The following MAP3K4 variants were observed in gnomAD, a reference collection of about 807,000 sequenced individuals.
MAP3K4 encodes the protein MAP three kinase 1.
In MAP3K4, 67 loss-of-function variants were observed where a neutral mutation model predicts 185.6. The ratio of observed to expected loss-of-function variants is 0.36; its 90% CI spans 0.30 to 0.44. The LOEUF is 0.44. Ranked by LOEUF, MAP3K4 falls within the 20% of genes least tolerant of loss-of-function variation. The pLI is 1.00. For missense variants in MAP3K4, 1,551 were observed against 1,995.1 expected, an observed-to-expected ratio of 0.78 and a Z score of 4.24; for synonymous variants, 702 against 710.4, an observed-to-expected ratio of 0.99 and a Z score of 0.19.
intron 10 of MAP3K4, among the ~76,000 whole-genome samples, chr6:161,089,015 TAC>T (rs143422759): frequency 1.3e-5 from 2 of 151,858 alleles, no homozygotes; most frequent in African/African-American, 4.8e-5. Context: ...CATGCACACA[TAC>T]ACACACACAC....
chr6:161,090,355 C>T (rs1444799529), intron 11 of MAP3K4, among the ~76,000 whole-genome samples: 1 of 152,072 alleles, frequency 6.6e-6, no homozygotes, highest in Non-Finnish European at 1.5e-5. Context: ...GACAAAAGCT[C>T]GAGCCAGGGC....
chr6:161,013,121 A>G (rs1427595238), intron 1 of MAP3K4, among the ~76,000 whole-genome samples: 1 of 152,218 alleles, frequency 6.6e-6, no homozygotes, highest in Non-Finnish European at 1.5e-5. Flanking sequence ...GTACAAATGT[A>G]TATAGGTCAT....
In MAP3K4 at chr6:161,054,171, T is replaced by C. The variant is rs940253313; in HGVS notation, c.1707+4192T>C. Among the ~76,000 whole-genome samples the C allele has an allele frequency of 2.0e-5, 3 of 152,244 alleles. No homozygotes were observed. Among genetic ancestry groups the C allele is most frequent in the African/African-American group, 7.2e-5 (3 of 41,466 alleles). ...CATGCTTTACAAAATAATTTTTTTT[T>C]GAGACAGAGTTTCGCTCTTGTTGCC... is the stretch of plus-strand genomic sequence containing the variant. On this transcript the variant is annotated intron_variant, in intron 3 of 26. Coordinates refer to ENST00000392142, the MANE Select transcript of MAP3K4 (RefSeq NM_005922.4). This position sits in a 1 kb window ranked among gnomAD's most constrained non-coding sequence, Gnocchi z 4.2.
In MAP3K4 at chr6:161,101,395, T is replaced by C. The variant is rs2114894690; in HGVS notation, c.3675-497T>C. On this transcript the variant is annotated intron_variant, in intron 17 of 26. Coordinates refer to ENST00000392142, the MANE Select transcript of MAP3K4 (RefSeq NM_005922.4). This position sits in a 1 kb window ranked among gnomAD's most constrained non-coding sequence, Gnocchi z 5.1. ...AGTACTTTAAATGTAATTAAGTACATAAATATAATTTGATGGTAACTTTAA... is the reference window on the plus strand; with the variant it reads ...AGTACTTTAAATGTAATTAAGTACACAAATATAATTTGATGGTAACTTTAA... 1 of 152,414 alleles carries C rather than the reference T, an allele frequency of 6.6e-6. No individual in the cohort carries two copies. The highest frequency in any genetic ancestry group is 2.1e-4 in the South Asian group (1 of 4,828). The allele number at this position is 152,414 out of a possible 1,614,324, so 9.4% of individuals were successfully genotyped here.
At chr6:161,018,194 TTGG>T (rs1463841548) in intron 1 of MAP3K4, among the ~76,000 whole-genome samples, 2 of 152,020 alleles carry the variant, frequency 1.3e-5, no homozygotes, top group Non-Finnish European at 2.9e-5. Flanking sequence ...GCTGAGGCAG[TTGG>T]AAGTTGAGGT....
rs749341417 is a variant in MAP3K4, at chr6:161,034,222, G to A, written c.153-37G>A. On this transcript the variant is annotated intron_variant, in intron 1 of 26. Coordinates refer to ENST00000392142, the MANE Select transcript of MAP3K4 (RefSeq NM_005922.4). The surrounding 1 kb of genome is among the most constrained non-coding windows in gnomAD (Gnocchi z 4.4). Reference sequence around the variant, plus strand: ...AGTAAATTTGAATTCACTTAACTGTGTTGCTGAATATTTTCCCTGCACACT... The same window carrying A: ...AGTAAATTTGAATTCACTTAACTGTATTGCTGAATATTTTCCCTGCACACT... 7.3e-6 allele frequency: 11 copies of A among 1,511,392 alleles called. 1 individual carries two copies. In the South Asian group the frequency reaches 1.2e-4, roughly 17 times the overall value. The allele number at this position is 1,511,392 out of a possible 1,614,324, so 93.6% of individuals were successfully genotyped here. A position where few individuals can be genotyped will look rare whatever the true frequency, so the allele number is the denominator to read the frequency against.
chr6:161,041,453 C>T (rs1016425562), intron 2 of MAP3K4, among the ~76,000 whole-genome samples: 1 of 152,182 alleles, frequency 6.6e-6, no homozygotes, highest in Admixed American at 6.5e-5. Context: ...GAAGTGAACC[C>T]CTGAGATACG....
chr6:161,094,976 C>G (rs1583225835), intron 15 of MAP3K4, among the ~76,000 whole-genome samples: 1 of 152,060 alleles, frequency 6.6e-6, no homozygotes, highest in East Asian at 1.9e-4. Flanking sequence ...GAAAAAGTAT[C>G]TAGAAAAATA....
intron 2 of MAP3K4, among the ~76,000 whole-genome samples, chr6:161,040,922 A>C (rs117549645): frequency 2.3e-4 from 35 of 152,374 alleles, no homozygotes; most frequent in African/African-American, 7.2e-4. Context: ...GCTGCTGGCC[A>C]GTGGGTTCTG....
intron 1 of MAP3K4, among the ~76,000 whole-genome samples, chr6:161,000,117 T>C (rs1244219392): frequency 6.6e-6 from 1 of 152,212 alleles, no homozygotes; most frequent in Non-Finnish European, 1.5e-5. Flanking sequence ...TATGACAGTG[T>C]GTGTGTGCCT....
At chr6:161,072,636 A>G (rs1583196035) in intron 4 of MAP3K4, among the ~76,000 whole-genome samples, 2 of 152,356 alleles carry the variant, frequency 1.3e-5, no homozygotes, top group Non-Finnish European at 2.9e-5. Context: ...TAGATGAGTC[A>G]TACATTTTTA....
intron 3 of MAP3K4, among the ~76,000 whole-genome samples, chr6:161,057,910 A>G (rs1013345913): frequency 1.3e-5 from 2 of 152,264 alleles, no homozygotes; most frequent in African/African-American, 4.8e-5. Flanking sequence ...ATTTTGGACT[A>G]TAGTGAGCAA....
At chr6:161,047,310 C>T (rs1172741634) in intron 2 of MAP3K4, among the ~76,000 whole-genome samples, 1 of 149,340 alleles carries the variant, frequency 6.7e-6, no homozygotes, top group African/African-American at 2.5e-5. Flanking sequence ...TGTGGTGATG[C>T]GTGCCTGTGG....
intron 3 of MAP3K4, among the ~76,000 whole-genome samples, chr6:161,059,893 G>C (rs1784412380): frequency 6.6e-6 from 1 of 150,806 alleles, no homozygotes; most frequent in Non-Finnish European, 1.5e-5. Flanking sequence ...GAAGAAGCAG[G>C]GTCATTTATC....
rs1278981023 is a variant in MAP3K4 at position 161,093,035 on chromosome 6, T to C, written c.3327T>C (p.Ala1109=). ...LQAIEPAFIS[A]LPEDDFLSLQ... The stretch of plus-strand genomic sequence containing the variant: ...CAATTGAACCTGCCTTTATTTCAGC[T>C]TTACCAGAAGATGACTTCTTGGTAT... Residue 1109 remains alanine (A), a synonymous_variant, in exon 14 of 27, where the codon GCT becomes GCC. Coordinates refer to ENST00000392142, the MANE Select transcript of MAP3K4 (RefSeq NM_005922.4). This position sits in a 1 kb window ranked among gnomAD's most constrained non-coding sequence, Gnocchi z 5.2. 2 of 1,613,304 alleles carry C rather than the reference T, an allele frequency of 1.2e-6. No homozygotes were observed. The highest frequency in any genetic ancestry group is 1.7e-6 in the Non-Finnish European group (2 of 1,179,508).
In MAP3K4 at chr6:161,097,030, T is replaced by A; in HGVS notation, c.3428-50T>A. 1 of 1,473,620 alleles carries A rather than the reference T, an allele frequency of 6.8e-7. No individual in the cohort carries two copies. The highest frequency in any genetic ancestry group is 9.5e-7 in the Non-Finnish European group (1 of 1,052,624). The allele number at this position is 1,473,620 out of a possible 1,614,324, so 91.3% of individuals were successfully genotyped here. ...CATTTGACTGTTTGGTTTGATGATTTTCTGTGGACCATATTAACAAGTTGC... is the reference window on the plus strand; with the variant it reads ...CATTTGACTGTTTGGTTTGATGATTATCTGTGGACCATATTAACAAGTTGC... On this transcript the variant is annotated intron_variant, in intron 15 of 26. Coordinates refer to ENST00000392142, the MANE Select transcript of MAP3K4 (RefSeq NM_005922.4). This position sits in a 1 kb window ranked among gnomAD's most constrained non-coding sequence, Gnocchi z 4.9.
chr6:161,019,949 ATTATT>A (rs1782300977), intron 1 of MAP3K4, among the ~76,000 whole-genome samples: 1 of 152,210 alleles, frequency 6.6e-6, no homozygotes. Context: ...AAGGTGGAAA[ATTATT>A]TTATTCACTG....
At chr6:161,006,113 T>C (rs1363041956) in intron 1 of MAP3K4, among the ~76,000 whole-genome samples, 1 of 152,218 alleles carries the variant, frequency 6.6e-6, no homozygotes, top group African/African-American at 2.4e-5. Flanking sequence ...AAACCAACAA[T>C]ATAAACTAGT....
chr6:160,991,999 A>AGGAGCC lies in MAP3K4; in HGVS notation c.70_75dup (p.Glu24_Pro25dup). The AGGAGCC allele has an allele frequency of 2.6e-6, 4 of 1,540,546 alleles. No homozygotes were observed. Among genetic ancestry groups the AGGAGCC allele is most frequent in the Non-Finnish European group, 3.5e-6 (4 of 1,150,496 alleles). On this transcript the variant is annotated inframe_insertion, in exon 1 of 27. Coordinates refer to ENST00000392142, the MANE Select transcript of MAP3K4 (RefSeq NM_005922.4). The surrounding 1 kb of genome is among the most constrained non-coding windows in gnomAD (Gnocchi z 5.7). Reference sequence around the variant, plus strand: ...GCCGTCACGCCTGCCGCCGCCATGGAGGAGCCGCCGCCACCGCCGCCGCCG... The same window carrying AGGAGCC: ...GCCGTCACGCCTGCCGCCGCCATGGAGGAGCCGGAGCCGCCGCCACCGCCGCCGCCG...
Sources: gnomAD v4.1 joint callset for allele counts (sites outside exome capture counted in the v4.1 genomes callset) on GRCh38, gnomAD v4.1.1 for gene constraint, Gnocchi (gnomAD v3.1) non-coding constraint, MANE v1.5 for transcripts, NCBI Gene and HGNC (gene_info 2026-07-23, HGNC 2026-07-21) for gene names.